Variants in RBFOX3 observed in about 807,000 individuals in gnomAD.
RBFOX3 encodes the protein RNA binding protein fox-1 homolog 3.
RBFOX3 carries 17 observed loss-of-function variants against 48.7 expected under a neutral mutation model. The ratio of observed to expected loss-of-function variants is 0.35; its 90% CI spans 0.24 to 0.52. The LOEUF (loss-of-function observed/expected upper bound fraction) is 0.52. RBFOX3 is among the 20% of genes least tolerant of loss of function. RBFOX3 has a pLI of 0.94. For missense variants in RBFOX3, 382 were observed against 497.5 expected (o/e 0.77, Z 2.21); for synonymous variants, 212 against 209.5 (o/e 1.01, Z -0.10).
chr17:79,259,770 G>A (rs529082041), intron 3 of RBFOX3, among the ~76,000 whole-genome samples: 203 of 152,220 alleles, frequency 1.3e-3, no homozygotes, highest in Non-Finnish European at 1.7e-3. Context: ...AGGTGCCCCC[G>A]CATCTCAGGG....
chr17:79,615,426 G>C (rs2093989942), upstream of RBFOX3, among the ~76,000 whole-genome samples: 1 of 152,146 alleles, frequency 6.6e-6, no homozygotes, highest in African/African-American at 2.4e-5. Context: ...TAGTGGGAGA[G>C]GAGGGAGGGC....
chr17:79,511,731 G>A (rs878952121), intron 1 of RBFOX3, among the ~76,000 whole-genome samples: 51,524 of 143,334 alleles, frequency 0.36, 7,739 homozygotes, highest in East Asian at 0.55. Flanking sequence ...CCGGATACAT[G>A]TTACCATCGG....
rs1379335659 is a variant in RBFOX3, at chr17:79,199,139, G to A, written c.-34+36627C>T. The stretch of plus-strand genomic sequence containing the variant: ...GTCTCCATGGAGTGAAAGCTGCCCA[G>A]CAAAGGGTGCAGCTGTGGTCATAGG... On this transcript the variant is annotated intron_variant, in intron 4 of 14. Transcript: ENST00000693108. The surrounding 1 kb of genome is among the most constrained non-coding windows in gnomAD (Gnocchi z 5.1). Among the ~76,000 whole-genome samples, 3 of 152,190 alleles carry A rather than the reference G, an allele frequency of 2.0e-5. No homozygotes were observed. Among genetic ancestry groups the A allele is most frequent in the African/African-American group, 7.2e-5 (3 of 41,438 alleles).
rs144532730 is a variant in RBFOX3, at chr17:79,288,781, A to AC, written c.-74+18942dup. Among the ~76,000 whole-genome samples, 1,437 of 148,134 alleles carry AC rather than the reference A, an allele frequency of 9.7e-3. 24 individuals are homozygous for AC. Among genetic ancestry groups the AC allele is most frequent in the African/African-American group, 0.034 (1,358 of 39,966 alleles). ...GTTTCATGTCCCCCAAAATATAATG[A>AC]CCCCCCCAATTGATATAGCTGACCC... On this transcript the variant is annotated intron_variant, in intron 3 of 14. Coordinates refer to ENST00000693108, the MANE Select transcript of RBFOX3 (RefSeq NM_001350451.2).
At chr17:79,148,200 C>T (rs745513601) in intron 4 of RBFOX3, among the ~76,000 whole-genome samples, 4 of 152,234 alleles carry the variant, frequency 2.6e-5, no homozygotes, top group Non-Finnish European at 4.4e-5. Flanking sequence ...GTGTTCTGTG[C>T]CTGGAGTCTC....
At chr17:79,560,024 G>A (rs1433194599) in intron 1 of RBFOX3, among the ~76,000 whole-genome samples, 3 of 124,406 alleles carry the variant, frequency 2.4e-5, no homozygotes, top group Non-Finnish European at 5.0e-5. Flanking sequence ...GTGGGTGGGT[G>A]TATGGATGAA....
the RBFOX3 span, among the ~76,000 whole-genome samples, chr17:79,627,081 T>C: frequency 3.9e-5 from 6 of 152,354 alleles, no homozygotes; most frequent in South Asian, 2.1e-4. Context: ...GACGGTCATC[T>C]GATTTGCCAA....
In RBFOX3 at chr17:79,140,577, C is replaced by G. The variant is rs1034174357; in HGVS notation, c.-33-24829G>C. On this transcript the variant is annotated intron_variant, in intron 4 of 14. Coordinates refer to ENST00000693108, the MANE Select transcript of RBFOX3 (RefSeq NM_001350451.2). ...TTTTGCAGACAGGGAAACTGAGGCT[C>G]AAAGAGAGAGAAGGACAACCTACAG... is the stretch of plus-strand genomic sequence containing the variant. 2.0e-5 allele frequency among the ~76,000 whole-genome samples: 3 copies of G among 152,244 alleles called. No individual in the cohort carries two copies. The South Asian group carries it at 6.2e-4, about 32-fold the overall frequency.
In RBFOX3 at chr17:79,471,367, C is replaced by A. The variant is rs1180576463; in HGVS notation, c.-175+11087G>T. Among the ~76,000 whole-genome samples the A allele has an allele frequency of 6.6e-6, 1 of 152,144 alleles. No homozygotes were observed. Among genetic ancestry groups the A allele is most frequent in the Non-Finnish European group, 1.5e-5 (1 of 68,028 alleles). On this transcript the variant is annotated intron_variant, in intron 2 of 14. Coordinates refer to ENST00000693108, the MANE Select transcript of RBFOX3 (RefSeq NM_001350451.2). This position sits in a 1 kb window ranked among gnomAD's most constrained non-coding sequence, Gnocchi z 4.0. ...GGGCCGGGCAAAATACTAAATAATT[C>A]AAAAATCATGATGACCTTGCCTTGG...
At position 79,208,992 on chromosome 17, in the gene RBFOX3, C is replaced by CT. The variant is rs531933035; in HGVS notation, c.-34+26773dup. On this transcript the variant is annotated intron_variant, in intron 4 of 14. Transcript: ENST00000693108. ...CACCACGCCCGGCTAATTTTTTGTA[C>CT]TTTTTTTTAGTAGAGACAGGGTTTC... Among the ~76,000 whole-genome samples the CT allele has an allele frequency of 7.3e-3, 1,111 of 151,744 alleles. 23 individuals are homozygous for CT. Among genetic ancestry groups the CT allele is most frequent in the Admixed American group, 0.039 (591 of 15,242 alleles).
At chr17:79,592,013 A>G (rs1045650010) in intron 1 of RBFOX3, among the ~76,000 whole-genome samples, 1 of 150,254 alleles carries the variant, frequency 6.7e-6, no homozygotes, top group Admixed American at 6.6e-5. Context: ...AGTGTGGAGT[A>G]TTGTAGTGTG....
intron 4 of RBFOX3, among the ~76,000 whole-genome samples, chr17:79,123,126 A>C (rs912698186): frequency 6.6e-6 from 1 of 152,198 alleles, no homozygotes; most frequent in Non-Finnish European, 1.5e-5. Context: ...AGAAAGAATG[A>C]ATAAGACCTA....
Position 79,363,979 on chromosome 17 carries a change from T to C in RBFOX3, c.-174-56155A>G, listed in dbSNP as rs1178672081. On this transcript the variant is annotated intron_variant, in intron 2 of 14. Coordinates refer to ENST00000693108, the MANE Select transcript of RBFOX3 (RefSeq NM_001350451.2). This position sits in a 1 kb window ranked among gnomAD's most constrained non-coding sequence, Gnocchi z 4.7. ...TCACAGCCTGTGCTCCACCACGCCC[T>C]CCTTTTCCACCAGGCTTTATGGGGC... 3.3e-5 allele frequency among the ~76,000 whole-genome samples: 5 copies of C among 152,086 alleles called. No individual in the cohort carries two copies. Among genetic ancestry groups the C allele is most frequent in the Admixed American group, 1.3e-4 (2 of 15,276 alleles).
At chr17:79,620,189 A>C in the RBFOX3 span, among the ~76,000 whole-genome samples, 8 of 147,538 alleles carry the variant, frequency 5.4e-5, 1 homozygote, top group African/African-American at 1.8e-4. Flanking sequence ...ACACATGTGC[A>C]CATGCACACA....
Position 79,457,017 on chromosome 17 carries a change from T to C in RBFOX3, c.-175+25437A>G, listed in dbSNP as rs184130186. The stretch of plus-strand genomic sequence containing the variant: ...GGCAGAGGTACAGGCATAGGTATAT[T>C]GATAGAGAAGATAATGAGATAGGTT... On this transcript the variant is annotated intron_variant, in intron 2 of 14. Transcript: ENST00000693108. Among the ~76,000 whole-genome samples the C allele has an allele frequency of 1.2e-4, 19 of 152,310 alleles. No homozygotes were observed. In the East Asian group the frequency reaches 2.5e-3, roughly 20 times the overall value.
chr17:79,309,134 G>A (rs1041825908), intron 2 of RBFOX3, among the ~76,000 whole-genome samples: 9 of 151,096 alleles, frequency 6.0e-5, no homozygotes, highest in African/African-American at 2.2e-4. Flanking sequence ...AATGTTTGTT[G>A]TTTAAGCCAC....
intron 4 of RBFOX3, among the ~76,000 whole-genome samples, chr17:79,202,585 G>T (rs2056923756): frequency 1.3e-5 from 2 of 152,224 alleles, no homozygotes. Context: ...GAAGAGCGAG[G>T]CCCAGGCCAG....
chr17:79,365,816 C>G (rs1179732877), intron 2 of RBFOX3, among the ~76,000 whole-genome samples: 1 of 152,232 alleles, frequency 6.6e-6, no homozygotes, highest in Non-Finnish European at 1.5e-5. Flanking sequence ...CTGGCAGGGT[C>G]AAGGGGCTAT....
At chr17:79,135,506 A>G (rs1317226695) in intron 4 of RBFOX3, among the ~76,000 whole-genome samples, 1 of 152,152 alleles carries the variant, frequency 6.6e-6, no homozygotes, top group Admixed American at 6.5e-5. Flanking sequence ...CCCCTTCCCA[A>G]GAGCAAAAGC....
Sources: gnomAD v4.1 joint callset for allele counts (sites outside exome capture counted in the v4.1 genomes callset) on GRCh38, gnomAD v4.1.1 for gene constraint, Gnocchi (gnomAD v3.1) non-coding constraint, MANE v1.5 for transcripts, NCBI Gene and HGNC (gene_info 2026-07-23, HGNC 2026-07-21) for gene names.